GALNT6: variants seen among roughly 807,000 people sequenced by gnomAD.
GALNT6 encodes GalNAc transferase 6.
A neutral mutation model predicts 65.9 loss-of-function variants in GALNT6; 51 were observed. The observed-to-expected ratio is 0.77, with a 90% CI of 0.62 to 0.98. The LOEUF (loss-of-function observed/expected upper bound fraction) is 0.98, where lower values mean the gene tolerates loss of function less well. GALNT6 is among the 50% of genes least tolerant of loss of function. The pLI is 0.00. For missense variants in GALNT6, 708 were observed against 803.3 expected, an observed-to-expected ratio of 0.88 and a Z score of 1.43; for synonymous variants, 323 against 315.1, an observed-to-expected ratio of 1.02 and a Z score of -0.26.
At chr12:51,371,472 A>C (rs978497700) in intron 4 of GALNT6, among the ~76,000 whole-genome samples, 1 of 152,168 alleles carries the variant, frequency 6.6e-6, no homozygotes, top group Non-Finnish European at 1.5e-5. Context: ...TAACAAGTCA[A>C]GCCTCAGGCC....
Position 51,377,230 on chromosome 12 carries a change from T to C in GALNT6, c.629A>G (p.Lys210Arg). 2 of 1,613,880 alleles carry C rather than the reference T, an allele frequency of 1.2e-6. No individual in the cohort carries two copies. Among genetic ancestry groups the C allele is most frequent in the Non-Finnish European group, 1.7e-6 (2 of 1,180,020 alleles). The change falls in exon 4 of 12, where the codon AAG (lysine) becomes AGG (arginine). Residue 210 changes from lysine to arginine, a missense_variant. Lys to Arg is a conservative substitution (Grantham distance 26). Transcript: ENST00000356317. ...GGCATCATCCACCAGTATGATCTCCTTGAGCAAGATGGCAGGGGTGGTGTG... is the reference window on the plus strand; with the variant it reads ...GGCATCATCCACCAGTATGATCTCCCTGAGCAAGATGGCAGGGGTGGTGTG... ...VLHTTPAILL[K>R]EIILVDDAST...
At chr12:51,357,614 G>C (rs1946791461) in intron 9 of GALNT6, among the ~76,000 whole-genome samples, 164 bp from the exon 10 acceptor site, 1 of 152,206 alleles carries the variant, frequency 6.6e-6, no homozygotes, top group Admixed American at 6.5e-5. Context: ...CCACATGCCT[G>C]GAGCTAACAG....
rs1004417534 is a variant in GALNT6 at position 51,364,195 on chromosome 12, C to T, written c.975G>A (p.Trp325Ter). 2 of 1,614,164 alleles carry T rather than the reference C, an allele frequency of 1.2e-6. No homozygotes were observed. The highest frequency in any genetic ancestry group is 2.2e-5 in the East Asian group (1 of 44,886). The change falls in exon 6 of 12, where the codon TGG (tryptophan) becomes TGA (stop). Residue 325 changes from tryptophan to a stop codon, truncating the protein, a stop_gained. Transcript: ENST00000356317. LOFTEE classifies it high-confidence loss of function. ...GTGTTTCCCAGCCGAAGGTCAGGCT[C>T]CAGTCAAAGTTGCCTCGGCTATGGA... is the stretch of plus-strand genomic sequence containing the variant. The part of the protein sequence containing the change: ...GRVHSRGNFD[W>*]SLTFGWETLP...
At chr12:51,357,294 G>C (rs1379701887) in intron 10 of GALNT6, 55 bp downstream of exon 10, 8 of 1,153,650 alleles carry the variant, frequency 6.9e-6, no homozygotes, top group Non-Finnish European at 1.1e-5. Flanking sequence ...CTTTAGGGTA[G>C]AGAAAAGGAG....
Position 51,354,330 on chromosome 12 carries a change from C to T in GALNT6, c.*49G>A. 11 of 1,040,598 alleles carry T rather than the reference C, an allele frequency of 1.1e-5. No homozygotes were observed. Among genetic ancestry groups the T allele is most frequent in the Non-Finnish European group, 1.4e-5 (10 of 714,078 alleles). The allele number at this position is 1,040,598 out of a possible 1,614,324, so 64.5% of individuals were successfully genotyped here. On this transcript the variant is annotated 3_prime_UTR_variant, in exon 12 of 12. Transcript: ENST00000356317. The stretch of plus-strand genomic sequence containing the variant: ...ATCAGGTTCCCAGACATCAGCAATC[C>T]TGTTTCCTGAGGAGCTTGTGGGGGC...
chr12:51,373,075 G>A (rs192283722), intron 4 of GALNT6, among the ~76,000 whole-genome samples: 5 of 152,288 alleles, frequency 3.3e-5, no homozygotes, highest in Admixed American at 3.3e-4. Flanking sequence ...GATTTTACAG[G>A]CTCATAGGGG....
intron 4 of GALNT6, among the ~76,000 whole-genome samples, chr12:51,375,618 C>G (rs867937239): frequency 6.7e-6 from 1 of 149,766 alleles, no homozygotes; most frequent in South Asian, 2.1e-4. Context: ...AGTGCAGTAA[C>G]ATGATCTCGG....
intron 7 of GALNT6, 47 bp downstream of exon 7, chr12:51,360,674 G>A: frequency 9.2e-7 from 1 of 1,085,506 alleles, no homozygotes; most frequent in Non-Finnish European, 1.4e-6. Context: ...TTCTCAAGCT[G>A]TCGCCTGGGA....
chr12:51,381,169 G>C (rs950280353), intron 2 of GALNT6, among the ~76,000 whole-genome samples: 16 of 152,234 alleles, frequency 1.1e-4, no homozygotes, highest in Non-Finnish European at 1.8e-4. Flanking sequence ...GAGCCCAGGA[G>C]GTTAAGGCTG....
rs146029843 is a variant in GALNT6, at chr12:51,377,316, C to T, written c.543G>A (p.Val181=). The T allele has an allele frequency of 1.3e-3, 2,118 of 1,613,170 alleles. 29 individuals carry two copies. The African/African-American group carries it at 0.025, about 19-fold the overall frequency. Residue 181 remains valine, a synonymous_variant, in exon 4 of 12, where the codon GTG becomes GTA. Transcript: ENST00000356317. ...RRCPPLATTS[V]IIVFHNEAWS... is the part of the protein sequence containing the mutation. ...AGGCTTCGTTGTGGAACACAATGAT[C>T]ACGCTGGTGGTGGCCAGTGGGGGGC...
intron 2 of GALNT6, among the ~76,000 whole-genome samples, chr12:51,382,965 T>C (rs914997356): frequency 1.3e-5 from 2 of 152,070 alleles, no homozygotes; most frequent in Non-Finnish European, 2.9e-5. Context: ...ACTGACCAGG[T>C]GAAGGAAGCA....
Position 51,387,685 on chromosome 12 carries a change from G to A in GALNT6, c.-104+3165C>T, listed in dbSNP as rs1294362113. Among the ~76,000 whole-genome samples the A allele has an allele frequency of 6.6e-6, 1 of 152,136 alleles. No individual in the cohort carries two copies. The highest frequency in any genetic ancestry group is 6.5e-5 in the Admixed American group (1 of 15,278). On this transcript the variant is annotated intron_variant, in intron 2 of 11. Coordinates refer to ENST00000356317, the MANE Select transcript of GALNT6 (RefSeq NM_007210.4). The surrounding 1 kb of genome is among the most constrained non-coding windows in gnomAD (Gnocchi z 4.2). ...TTATCCCTAGGAGTGCAGAAGTGGA[G>A]GGAGGGTTCCAGGTGGAGATGAGGT...
In GALNT6 at chr12:51,379,387, T is replaced by C. The variant is rs750251382; in HGVS notation, c.395A>G (p.Glu132Gly). Reference protein sequence around the residue: ...KSKWTPLETQEKEEGYKKHCF... With the variant: ...KSKWTPLETQGKEEGYKKHCF... The stretch of plus-strand genomic sequence containing the variant: ...GTGCTTCTTATAGCCTTCTTCCTTT[T>C]CCTGGGTCTCCAGGGGGGTCCACTT... Residue 132 changes from glutamate to glycine, a missense_variant, in exon 3 of 12, where the codon GAA becomes GGA. Coordinates refer to ENST00000356317, the MANE Select transcript of GALNT6 (RefSeq NM_007210.4). The C allele has an allele frequency of 1.3e-6, 2 of 1,590,408 alleles. No individual in the cohort carries two copies. The highest frequency in any genetic ancestry group is 1.1e-5 in the South Asian group (1 of 88,194).
At chr12:51,362,231 G>A (rs1483775979) in intron 6 of GALNT6, among the ~76,000 whole-genome samples, 6 of 152,142 alleles carry the variant, frequency 3.9e-5, no homozygotes, top group South Asian at 2.1e-4. Context: ...CTCCCAGACC[G>A]AGAAGTCACT....
At position 51,352,089 on chromosome 12, in the gene GALNT6, T is replaced by C. The variant is rs933131912; in HGVS notation, c.*2290A>G. ...GCAATGGGAACAAAGACAGCTGTGGTCCCATAGCACCCTCATCTGGTGACA... is the reference window on the plus strand; with the variant it reads ...GCAATGGGAACAAAGACAGCTGTGGCCCCATAGCACCCTCATCTGGTGACA... On this transcript the variant is annotated 3_prime_UTR_variant, in exon 12 of 12. Transcript: ENST00000356317. 6.6e-6 allele frequency: 1 copy of C among 152,222 alleles called. No homozygotes were observed. The highest frequency in any genetic ancestry group is 1.5e-5 in the Non-Finnish European group (1 of 68,060). The allele number at this position is 152,222 out of a possible 1,614,324, so 9.4% of individuals were successfully genotyped here.
At chr12:51,378,885 C>A (rs28482999) in intron 3 of GALNT6, among the ~76,000 whole-genome samples, 2 of 88,388 alleles carry the variant, frequency 2.3e-5, no homozygotes, top group East Asian at 6.1e-4. Flanking sequence ...AATGCCCACC[C>A]CCCCCCCAAA....
intron 9 of GALNT6, among the ~76,000 whole-genome samples, chr12:51,357,704 A>T (rs1174008407): frequency 6.6e-6 from 1 of 152,168 alleles, no homozygotes; most frequent in Non-Finnish European, 1.5e-5. Flanking sequence ...ACCTCCCAGG[A>T]TGCCAGGTCC....
chr12:51,383,793 T>C (rs1459637192), intron 2 of GALNT6, among the ~76,000 whole-genome samples: 1 of 151,566 alleles, frequency 6.6e-6, no homozygotes, highest in East Asian at 1.9e-4. Context: ...ACAGGAAGAG[T>C]CCCTTAGAAG....
intron 2 of GALNT6, among the ~76,000 whole-genome samples, chr12:51,390,120 A>G (rs1193843391): frequency 6.7e-6 from 1 of 150,298 alleles, no homozygotes; most frequent in African/African-American, 2.5e-5. Context: ...CTGCTAGGCA[A>G]TTGGAATCAA....
Sources: gnomAD v4.1 joint callset for allele counts (sites outside exome capture counted in the v4.1 genomes callset) on GRCh38, gnomAD v4.1.1 for gene constraint, Gnocchi (gnomAD v3.1) non-coding constraint, MANE v1.5 for transcripts, NCBI Gene and HGNC (gene_info 2026-07-23, HGNC 2026-07-21) for gene names.